KLHL1: variants seen among roughly 807,000 people sequenced by gnomAD.
KLHL1 encodes the protein kelch like family member 1.
In KLHL1, 47 loss-of-function variants were observed where a neutral mutation model predicts 77.7. That is an observed-to-expected ratio of 0.60 (90% CI 0.48 to 0.77). KLHL1 has a LOEUF of 0.77. KLHL1 is among the 30% of genes least tolerant of loss of function. The pLI is 0.00. For missense variants in KLHL1, 925 were observed against 910.8 expected (o/e 1.02, Z -0.20); for synonymous variants, 360 against 325.2 (o/e 1.11, Z -1.15).
At chr13:69,855,316 A>G (rs949729306) in intron 5 of KLHL1, among the ~76,000 whole-genome samples, 2 of 135,838 alleles carry the variant, frequency 1.5e-5, no homozygotes, top group African/African-American at 5.9e-5. Context: ...AGATAGATAG[A>G]TAGATAGATA....
intron 6 of KLHL1, 151 bp from the exon 7 acceptor site, chr13:69,797,113 T>A (rs1877144794): frequency 1.6e-6 from 1 of 630,736 alleles, no homozygotes; most frequent in Non-Finnish European, 2.8e-6. Flanking sequence ...GGAGTAGTAA[T>A]TCAACTACTT....
At chr13:70,050,032 G>T (rs918812007) in intron 1 of KLHL1, among the ~76,000 whole-genome samples, 4 of 151,886 alleles carry the variant, frequency 2.6e-5, no homozygotes, top group African/African-American at 9.7e-5. Flanking sequence ...AGAATTAAAA[G>T]AATCAATTTA....
chr13:70,072,794 T>C (rs903174661), intron 1 of KLHL1, among the ~76,000 whole-genome samples: 1 of 152,048 alleles, frequency 6.6e-6, no homozygotes, highest in African/African-American at 2.4e-5. Flanking sequence ...TGGAAACTTT[T>C]TCAACTTGGT....
chr13:69,859,545 A>G (rs116943539), intron 5 of KLHL1, among the ~76,000 whole-genome samples: 1 of 152,032 alleles, frequency 6.6e-6, no homozygotes, highest in Non-Finnish European at 1.5e-5. Context: ...TTTTCACCAT[A>G]GTTCGAGTTC....
At chr13:69,928,803 A>T (rs752647016) in intron 4 of KLHL1, among the ~76,000 whole-genome samples, 11 of 152,114 alleles carry the variant, frequency 7.2e-5, no homozygotes, top group Non-Finnish European at 1.5e-4. Context: ...TATCTTGGCG[A>T]GGTGATTGAA....
At chr13:69,992,535 C>G (rs1022498818) in intron 1 of KLHL1, among the ~76,000 whole-genome samples, 1 of 152,018 alleles carries the variant, frequency 6.6e-6, no homozygotes, top group Non-Finnish European at 1.5e-5. Context: ...TTACTACAAT[C>G]TACTTTGTAG....
At chr13:70,004,469 A>T (rs1885362170) in intron 1 of KLHL1, among the ~76,000 whole-genome samples, 1 of 151,794 alleles carries the variant, frequency 6.6e-6, no homozygotes, top group Non-Finnish European at 1.5e-5. Flanking sequence ...ATTCTATAGC[A>T]ATTGCAATCT....
intron 1 of KLHL1, among the ~76,000 whole-genome samples, chr13:70,028,551 G>T (rs536983930): frequency 6.6e-6 from 1 of 152,166 alleles, no homozygotes; most frequent in African/African-American, 2.4e-5. Flanking sequence ...CTGGTCATAA[G>T]GAATGAATAT....
intron 9 of KLHL1, among the ~76,000 whole-genome samples, chr13:69,714,665 T>A (rs1196112548): frequency 6.6e-6 from 1 of 151,794 alleles, no homozygotes; most frequent in Non-Finnish European, 1.5e-5. Context: ...AAATGATGGC[T>A]CACTGCAGCC....
chr13:69,858,394 A>G (rs1375286720), intron 5 of KLHL1, among the ~76,000 whole-genome samples: 1 of 152,122 alleles, frequency 6.6e-6, no homozygotes, highest in Non-Finnish European at 1.5e-5. Flanking sequence ...TCTTCTAAAT[A>G]TTATGTATAA....
chr13:70,085,718 G>C (rs1887519584), intron 1 of KLHL1, among the ~76,000 whole-genome samples: 1 of 152,000 alleles, frequency 6.6e-6, no homozygotes. Flanking sequence ...ACAAAAATTA[G>C]CTGGGTGTGG....
chr13:69,974,175 C>T (rs1884476158), intron 2 of KLHL1, among the ~76,000 whole-genome samples: 1 of 151,280 alleles, frequency 6.6e-6, no homozygotes, highest in Non-Finnish European at 1.5e-5. Flanking sequence ...TTGAGTTAGC[C>T]GTAATGATTT....
chr13:69,887,036 T>A (rs1012344597), intron 4 of KLHL1, among the ~76,000 whole-genome samples: 3 of 152,154 alleles, frequency 2.0e-5, no homozygotes, highest in African/African-American at 7.2e-5. Context: ...ATCCTGGAAT[T>A]TGGCTACATC....
At chr13:69,869,244 T>C (rs1880489578) in intron 5 of KLHL1, among the ~76,000 whole-genome samples, 1 of 152,150 alleles carries the variant, frequency 6.6e-6, no homozygotes, top group African/African-American at 2.4e-5. Context: ...TTACAGTAAC[T>C]TAAAATTTAT....
chr13:70,084,333 C>G (rs1887467081), intron 1 of KLHL1, among the ~76,000 whole-genome samples: 1 of 152,124 alleles, frequency 6.6e-6, no homozygotes, highest in South Asian at 2.1e-4. Context: ...TAAACCTTTC[C>G]ATCTTAATCT....
intron 1 of KLHL1, among the ~76,000 whole-genome samples, chr13:70,040,488 C>T (rs951833000): frequency 1.3e-5 from 2 of 152,136 alleles, no homozygotes; most frequent in African/African-American, 4.8e-5. Flanking sequence ...ATATAGAATT[C>T]TGGGATCACA....
chr13:69,806,379 T>C (rs1877617443), intron 6 of KLHL1, among the ~76,000 whole-genome samples: 1 of 152,160 alleles, frequency 6.6e-6, no homozygotes, highest in Admixed American at 6.6e-5. Flanking sequence ...CAGATCAAGA[T>C]GGCTGACTAG....
rs74369634 is a variant in KLHL1, at chr13:70,034,691, T to G, written c.498-58889A>C. The stretch of plus-strand genomic sequence containing the variant: ...AGAGGGGAAGAGGTGCATGTGTATT[T>G]TGAGGAAGAGGGAAAGTCGCAATCA... On this transcript the variant is annotated intron_variant, in intron 1 of 10. Coordinates refer to ENST00000377844, the MANE Select transcript of KLHL1 (RefSeq NM_020866.3). Among the ~76,000 whole-genome samples, 256 of 152,218 alleles carry G rather than the reference T, an allele frequency of 1.7e-3. 1 individual carries two copies. The highest frequency in any genetic ancestry group is 5.9e-3 in the African/African-American group (246 of 41,536).
At chr13:70,023,814 A>G (rs1057297521) in intron 1 of KLHL1, among the ~76,000 whole-genome samples, 1 of 151,884 alleles carries the variant, frequency 6.6e-6, no homozygotes, top group Non-Finnish European at 1.5e-5. Context: ...CTTCAGATTT[A>G]AAAACTTAAC....
Sources: allele counts gnomAD v4.1 joint callset (sites outside exome capture counted in the v4.1 genomes callset), GRCh38; gene constraint gnomAD v4.1.1; transcripts MANE v1.5; gene names NCBI Gene and HGNC (gene_info 2026-07-23, HGNC 2026-07-21).